MOGAT1: variants seen among roughly 807,000 people sequenced by gnomAD.
MOGAT1 encodes 2-acylglycerol O-acyltransferase 1.
In MOGAT1, 32 loss-of-function variants were observed where a neutral mutation model predicts 31.4. The observed-to-expected ratio is 1.02, with a 90% CI of 0.77 to 1.37. MOGAT1 has a LOEUF of 1.37. Among genes scored for constraint, MOGAT1 ranks in the 40% most tolerant of loss-of-function variants. MOGAT1 has a pLI of 0.00. For synonymous variants in MOGAT1, 145 were observed against 144.5 expected (o/e 1.00, Z -0.03); for missense variants, 426 against 402.0 (o/e 1.06, Z -0.51).
At chr2:222,695,912 C>G (rs1692830646) in intron 5 of MOGAT1, among the ~76,000 whole-genome samples, 1 of 152,024 alleles carries the variant, frequency 6.6e-6, no homozygotes. Context: ...ATCCCTCACC[C>G]CTCTTCCACT....
chr2:222,675,692 G>A (rs1013263249), intron 1 of MOGAT1, among the ~76,000 whole-genome samples: 11 of 151,972 alleles, frequency 7.2e-5, no homozygotes, highest in Admixed American at 2.6e-4. Flanking sequence ...TGTTAGCCAG[G>A]ATGGTCTCGG....
chr2:222,679,564 C>A (rs1264114531), intron 1 of MOGAT1, among the ~76,000 whole-genome samples: 2 of 152,208 alleles, frequency 1.3e-5, no homozygotes, highest in Non-Finnish European at 2.9e-5. Context: ...TCCACAGCCA[C>A]AGTACAATTA....
chr2:222,687,562 C>T (rs1692692493), intron 1 of MOGAT1, among the ~76,000 whole-genome samples: 1 of 152,212 alleles, frequency 6.6e-6, no homozygotes, highest in Admixed American at 6.5e-5. Context: ...GGTAACCATT[C>T]TTGTCACTAC....
intron 5 of MOGAT1, among the ~76,000 whole-genome samples, chr2:222,707,335 AAAAG>A (rs769216597): frequency 2.7e-4 from 39 of 141,924 alleles, no homozygotes; most frequent in East Asian, 5.9e-4. Flanking sequence ...GAAAGAAAGA[AAAAG>A]AAAGAAAGAA....
chr2:222,673,717 C>G (rs922862503), intron 1 of MOGAT1, among the ~76,000 whole-genome samples: 4 of 152,214 alleles, frequency 2.6e-5, no homozygotes, highest in Admixed American at 2.6e-4. Flanking sequence ...CCTAACCGAT[C>G]ATTCAACACA....
At chr2:222,695,736 A>G (rs1425962928) in intron 5 of MOGAT1, among the ~76,000 whole-genome samples, 2 of 151,862 alleles carry the variant, frequency 1.3e-5, no homozygotes, top group African/African-American at 4.8e-5. Flanking sequence ...GCTGTTTTAT[A>G]TATATTCTGC....
chr2:222,681,356 T>G (rs1010590857), intron 1 of MOGAT1, among the ~76,000 whole-genome samples: 6 of 152,216 alleles, frequency 3.9e-5, no homozygotes, highest in Non-Finnish European at 4.4e-5. Flanking sequence ...TGTCATTTGC[T>G]ATGATGGCTC....
At chr2:222,686,034 C>T (rs1436033068) in intron 1 of MOGAT1, among the ~76,000 whole-genome samples, 1 of 152,140 alleles carries the variant, frequency 6.6e-6, no homozygotes, top group Non-Finnish European at 1.5e-5. Context: ...CTGTTCCTGG[C>T]TCACTCTATG....
intron 3 of MOGAT1, 56 bp downstream of exon 3, chr2:222,689,525 G>A: frequency 6.7e-7 from 1 of 1,497,788 alleles, no homozygotes; most frequent in Non-Finnish European, 9.3e-7. Context: ...GGAGCACACA[G>A]AACATTCCCT....
At chr2:222,700,594 T>A (rs1692904870) in intron 5 of MOGAT1, among the ~76,000 whole-genome samples, 1 of 152,216 alleles carries the variant, frequency 6.6e-6, no homozygotes, top group East Asian at 1.9e-4. Context: ...CCTGCTATGA[T>A]CTTAAGGTAT....
intron 1 of MOGAT1, among the ~76,000 whole-genome samples, chr2:222,677,194 T>A (rs1303262364): frequency 6.6e-6 from 1 of 152,238 alleles, no homozygotes; most frequent in Non-Finnish European, 1.5e-5. Context: ...ACTTTTTATG[T>A]TTTGTCAGTT....
chr2:222,709,449 T>C (rs1486673191), intron 5 of MOGAT1, among the ~76,000 whole-genome samples: 1 of 152,220 alleles, frequency 6.6e-6, no homozygotes, highest in East Asian at 1.9e-4. Flanking sequence ...CACACAGCTA[T>C]GTCCACTCAC....
intron 5 of MOGAT1, among the ~76,000 whole-genome samples, chr2:222,705,489 G>A (rs1692992502): frequency 6.6e-6 from 1 of 152,218 alleles, no homozygotes; most frequent in Admixed American, 6.5e-5. Flanking sequence ...CTCTCCATCT[G>A]TCCTCCCTTT....
intron 5 of MOGAT1, among the ~76,000 whole-genome samples, chr2:222,697,393 G>T (rs1692851651): frequency 6.6e-6 from 1 of 151,970 alleles, no homozygotes; most frequent in Non-Finnish European, 1.5e-5. Flanking sequence ...TATAAATGTG[G>T]GTCAAATGGA....
At chr2:222,688,606 T>C (rs1280888474) in intron 2 of MOGAT1, 84 bp downstream of exon 2, 13 of 944,824 alleles carry the variant, frequency 1.4e-5, no homozygotes, top group Non-Finnish European at 1.9e-5. Flanking sequence ...CTCAAGCTTC[T>C]TTTTCAGAGG....
chr2:222,709,235 C>T (rs764194084), intron 5 of MOGAT1, among the ~76,000 whole-genome samples: 10 of 152,124 alleles, frequency 6.6e-5, no homozygotes, highest in African/African-American at 9.7e-5. Flanking sequence ...GCAAGAGAAT[C>T]GCTTGAACTC....
chr2:222,707,347 GAAAA>G (rs750667535), intron 5 of MOGAT1, among the ~76,000 whole-genome samples: 19,328 of 98,034 alleles, frequency 0.2, 1,310 homozygotes, highest in Middle Eastern at 0.29. Context: ...AAGAAAGAAA[GAAAA>G]AGAAAGAAAG....
chr2:222,678,757 A>G (rs7578873), intron 1 of MOGAT1, among the ~76,000 whole-genome samples: 91,292 of 151,986 alleles, frequency 0.6, 28,626 homozygotes, highest in Middle Eastern at 0.78. Context: ...CCTGGCCAAC[A>G]TGGGGACACC....
At chr2:222,673,487 T>A (rs1692452623) in intron 1 of MOGAT1, among the ~76,000 whole-genome samples, 1 of 152,080 alleles carries the variant, frequency 6.6e-6, no homozygotes, top group Admixed American at 6.6e-5. Flanking sequence ...CTAAGCAACA[T>A]CCACGATTAA....
Sources: gnomAD v4.1 joint callset for allele counts (sites outside exome capture counted in the v4.1 genomes callset) on GRCh38, gnomAD v4.1.1 for gene constraint, MANE v1.5 for transcripts, NCBI Gene and HGNC (gene_info 2026-07-23, HGNC 2026-07-21) for gene names.